The following AGBL4 variants were observed in gnomAD, a reference collection of about 807,000 sequenced individuals.
AGBL4 encodes AGBL carboxypeptidase 4, also known as cytosolic carboxypeptidase 6.
A neutral mutation model predicts 66.4 loss-of-function variants in AGBL4; 58 were observed. The ratio of observed to expected loss-of-function variants is 0.87; its 90% CI spans 0.71 to 1.09. AGBL4 has a LOEUF of 1.09. AGBL4 is among the 50% of genes least tolerant of loss of function. The pLI, the probability that AGBL4 is intolerant of heterozygous loss-of-function variation, is 0.00. For missense variants in AGBL4, 579 were observed against 631.0 expected, an observed-to-expected ratio of 0.92 and a Z score of 0.88; for synonymous variants, 234 against 222.9, an observed-to-expected ratio of 1.05 and a Z score of -0.44.
chr1:48,562,670 A>C (rs1192760087), intron 11 of AGBL4, among the ~76,000 whole-genome samples: 1 of 152,196 alleles, frequency 6.6e-6, no homozygotes, highest in Non-Finnish European at 1.5e-5. Context: ...GTTGGAGAAA[A>C]TGATATTTAT....
chr1:49,035,790 C>A (rs1345233888), intron 5 of AGBL4, among the ~76,000 whole-genome samples: 1 of 152,020 alleles, frequency 6.6e-6, no homozygotes, highest in Non-Finnish European at 1.5e-5. Context: ...GCCTGACTAG[C>A]TACCTACTGT....
At chr1:49,226,345 A>G (rs1170652757) in intron 4 of AGBL4, among the ~76,000 whole-genome samples, 1 of 152,226 alleles carries the variant, frequency 6.6e-6, no homozygotes, top group Non-Finnish European at 1.5e-5. Context: ...GGGAAATTAG[A>G]CAAAATTGAT....
At chr1:49,308,690 AC>A (rs1644892582) in intron 3 of AGBL4, among the ~76,000 whole-genome samples, 1 of 152,134 alleles carries the variant, frequency 6.6e-6, no homozygotes, top group Non-Finnish European at 1.5e-5. Flanking sequence ...CAGATAGAAC[AC>A]TTAGGGATTA....
downstream of AGBL4, among the ~76,000 whole-genome samples, chr1:48,529,255 C>T (rs549930993): frequency 7.2e-5 from 11 of 152,014 alleles, no homozygotes; most frequent in South Asian, 1.5e-3. Context: ...TCTGTCTGTA[C>T]GTCATCTGGG....
intron 11 of AGBL4, chr1:48,586,018 C>T (rs1557807118): frequency 1.3e-5 from 2 of 152,292 alleles, no homozygotes; most frequent in Non-Finnish European, 2.9e-5. Flanking sequence ...AAGTTCCTTC[C>T]TCCTCCCTCC....
chr1:49,874,454 TA>T (rs1353654860), intron 1 of AGBL4, among the ~76,000 whole-genome samples: 1 of 152,078 alleles, frequency 6.6e-6, no homozygotes, highest in Non-Finnish European at 1.5e-5. Context: ...AATTGTATGC[TA>T]AAAAACCCAA....
At chr1:48,702,776 C>T (rs770227891) in intron 6 of AGBL4, among the ~76,000 whole-genome samples, 2 of 152,150 alleles carry the variant, frequency 1.3e-5, no homozygotes, top group Non-Finnish European at 2.9e-5. Context: ...CTTTTAGGTA[C>T]TATTCTGGGC....
At chr1:49,409,864 C>G (rs1285512951) in intron 3 of AGBL4, among the ~76,000 whole-genome samples, 2 of 152,162 alleles carry the variant, frequency 1.3e-5, no homozygotes, top group Non-Finnish European at 2.9e-5. Flanking sequence ...AATTCCCTAA[C>G]TGAAGATCAT....
chr1:48,960,926 T>C (rs905419144), intron 5 of AGBL4, among the ~76,000 whole-genome samples: 5 of 152,240 alleles, frequency 3.3e-5, no homozygotes, highest in East Asian at 1.9e-4. Flanking sequence ...TAATACACAC[T>C]CTGCAATTAG....
intron 1 of AGBL4, among the ~76,000 whole-genome samples, chr1:49,980,161 T>C (rs1390901716): frequency 6.6e-6 from 1 of 152,166 alleles, no homozygotes; most frequent in Admixed American, 6.5e-5. Context: ...TAAAGTTACA[T>C]GTGGATTTTT....
At chr1:48,905,553 A>T (rs536538679) in intron 5 of AGBL4, among the ~76,000 whole-genome samples, 6 of 152,330 alleles carry the variant, frequency 3.9e-5, no homozygotes, top group African/African-American at 1.4e-4. Flanking sequence ...TTATTTGAGA[A>T]CTTCCTGTTC....
At chr1:48,774,335 T>C (rs1029658082) in intron 6 of AGBL4, among the ~76,000 whole-genome samples, 2 of 152,186 alleles carry the variant, frequency 1.3e-5, no homozygotes, top group African/African-American at 4.8e-5. Context: ...AGGAAGGGGT[T>C]TGAAGATACA....
intron 4 of AGBL4, among the ~76,000 whole-genome samples, chr1:49,047,165 T>C (rs1188875610): frequency 6.6e-6 from 1 of 152,152 alleles, no homozygotes; most frequent in Non-Finnish European, 1.5e-5. Flanking sequence ...ACAGCAGTGG[T>C]TACATGGCAT....
chr1:48,869,491 C>G (rs1048367823), intron 5 of AGBL4, among the ~76,000 whole-genome samples: 10 of 152,142 alleles, frequency 6.6e-5, no homozygotes, highest in Admixed American at 5.2e-4. Context: ...GCCTATTTGT[C>G]TGAAATGTAT....
intron 2 of AGBL4, among the ~76,000 whole-genome samples, chr1:49,809,766 G>A (rs1447285956): frequency 6.6e-6 from 1 of 152,038 alleles, no homozygotes; most frequent in African/African-American, 2.4e-5. Flanking sequence ...ATAAAGAAAG[G>A]ATAACAACCA....
intron 3 of AGBL4, among the ~76,000 whole-genome samples, chr1:49,525,488 TTTC>T (rs1341303740): frequency 1.3e-5 from 2 of 152,008 alleles, no homozygotes; most frequent in Non-Finnish European, 2.9e-5. Context: ...GAGAGAATCT[TTTC>T]TTCTTTTTAT....
At chr1:49,913,742 C>A (rs1295261325) in intron 1 of AGBL4, among the ~76,000 whole-genome samples, 2 of 152,236 alleles carry the variant, frequency 1.3e-5, no homozygotes, top group Non-Finnish European at 2.9e-5. Flanking sequence ...GCTACACTCT[C>A]CATAGCTTAA....
At chr1:48,919,015 C>A (rs1425281643) in intron 5 of AGBL4, among the ~76,000 whole-genome samples, 5 of 152,144 alleles carry the variant, frequency 3.3e-5, no homozygotes, top group Admixed American at 2.0e-4. Flanking sequence ...TGAGCAGTCT[C>A]CATAATAGAA....
chr1:49,347,441 C>T (rs1244993897), intron 3 of AGBL4, among the ~76,000 whole-genome samples: 2 of 151,642 alleles, frequency 1.3e-5, no homozygotes, highest in African/African-American at 2.4e-5. Context: ...TTAGTAGAGA[C>T]GGGGTTTCAC....
Sources: allele counts gnomAD v4.1 joint callset (sites outside exome capture counted in the v4.1 genomes callset), GRCh38; gene constraint gnomAD v4.1.1; transcripts MANE v1.5; gene names NCBI Gene and HGNC (gene_info 2026-07-23, HGNC 2026-07-21).